Variants in PIEZO2 observed in about 807,000 individuals in gnomAD.
The protein encoded by PIEZO2 is piezo-type mechanosensitive ion channel component 2.
In PIEZO2, 172 loss-of-function variants were observed where a neutral mutation model predicts 337.3. The ratio of observed to expected loss-of-function variants is 0.51; its 90% confidence interval spans 0.45 to 0.58. The LOEUF is 0.58. Among genes scored for constraint, PIEZO2 ranks in the 20% least tolerant of loss-of-function variants. PIEZO2 has a pLI of 0.00. For missense variants in PIEZO2, 3,028 were observed against 3,391.3 expected (o/e 0.89, Z 2.66); for synonymous variants, 1,251 against 1,228.5 (o/e 1.02, Z -0.38).
intron 1 of PIEZO2, among the ~76,000 whole-genome samples, chr18:11,075,573 C>T (rs1301797976): frequency 6.6e-6 from 1 of 152,182 alleles, no homozygotes; most frequent in Non-Finnish European, 1.5e-5. Flanking sequence ...ACCTCCGTGC[C>T]CACTGGCGGT....
At position 10,978,139 on chromosome 18, in the gene PIEZO2, G is replaced by A. The variant is rs1195561601; in HGVS notation, c.286+1396C>T. ...AGATCGAGACCATACTGGCTAACAC[G>A]GTGAAACAGTGTCTCTACTAAAAAA... On this transcript the variant is annotated intron_variant, in intron 3 of 55. Coordinates refer to ENST00000674853, the MANE Select transcript of PIEZO2 (RefSeq NM_001378183.1). 2.0e-5 allele frequency among the ~76,000 whole-genome samples: 3 copies of A among 151,980 alleles called. No homozygotes were observed. The East Asian group carries it at 5.8e-4, about 29-fold the overall frequency.
rs1262623207 is a variant in PIEZO2, at chr18:10,736,904, G to T, written c.4709-194C>A. On this transcript the variant is annotated intron_variant, in intron 33 of 55. Coordinates refer to ENST00000674853, the MANE Select transcript of PIEZO2 (RefSeq NM_001378183.1). ...ATGCTACGCGGTGTTGGCATATTGG[G>T]TCTACAGAGTATGAGGCCTTGTCTT... Among the ~76,000 whole-genome samples the T allele has an allele frequency of 2.6e-5, 4 of 151,732 alleles. No homozygotes were observed. In the East Asian group the frequency reaches 7.7e-4, roughly 29 times the overall value.
At chr18:10,932,144 C>T (rs1286839521) in intron 3 of PIEZO2, among the ~76,000 whole-genome samples, 1 of 152,168 alleles carries the variant, frequency 6.6e-6, no homozygotes, top group Non-Finnish European at 1.5e-5. Flanking sequence ...TATCATATGA[C>T]TAAACATACT....
chr18:11,127,317 T>C lies in PIEZO2; in HGVS notation c.64+21208A>G, dbSNP rs1450020574. Reference sequence around the variant, plus strand: ...AAATAGTTGCATCTGAATGTGATGGTTAATACTGAGTGTGAACTTGATTGG... The same window carrying C: ...AAATAGTTGCATCTGAATGTGATGGCTAATACTGAGTGTGAACTTGATTGG... On this transcript the variant is annotated intron_variant, in intron 1 of 55. Transcript: ENST00000674853. This position sits in a 1 kb window ranked among gnomAD's most constrained non-coding sequence, Gnocchi z 4.5. Among the ~76,000 whole-genome samples the C allele has an allele frequency of 6.6e-6, 1 of 152,180 alleles. No homozygotes were observed. The highest frequency in any genetic ancestry group is 1.5e-5 in the Non-Finnish European group (1 of 68,020).
At position 10,672,661 on chromosome 18, in the gene PIEZO2, T is replaced by C; in HGVS notation, c.8345+29A>G. The C allele has an allele frequency of 1.9e-6, 3 of 1,598,120 alleles. No individual in the cohort carries two copies. Among genetic ancestry groups the C allele is most frequent in the Non-Finnish European group, 2.6e-6 (3 of 1,174,770 alleles). ...TACATGATACAGAAGTAGACTCTTG[T>C]AACTGTGAATTGTTCAATGAGTCCT... On this transcript the variant is annotated intron_variant, in intron 55 of 55. Transcript: ENST00000674853. This position sits in a 1 kb window ranked among gnomAD's most constrained non-coding sequence, Gnocchi z 4.7.
rs1294300806 is a variant in PIEZO2 at position 11,031,970 on chromosome 18, CTCTG to C, written c.160+34153_160+34156del. On this transcript the variant is annotated intron_variant, in intron 2 of 55. Transcript: ENST00000674853. The surrounding 1 kb of genome is among the most constrained non-coding windows in gnomAD (Gnocchi z 4.7). ...TCTCTCTCTGTCTTTCTCTGTTTCT[CTCTG>C]TCTCTCTCTCACACACATACGCATA... Among the ~76,000 whole-genome samples, 2 of 152,170 alleles carry C rather than the reference CTCTG, an allele frequency of 1.3e-5. No individual in the cohort carries two copies.
intron 4 of PIEZO2, among the ~76,000 whole-genome samples, chr18:10,887,492 G>A (rs898813211): frequency 1.3e-5 from 2 of 152,120 alleles, no homozygotes; most frequent in Admixed American, 1.3e-4. Flanking sequence ...CCAGCATTGG[G>A]GATTACAATT....
chr18:11,094,269 A>C lies in PIEZO2; in HGVS notation c.65-28047T>G, dbSNP rs2039196093. Among the ~76,000 whole-genome samples the C allele has an allele frequency of 6.6e-6, 1 of 152,196 alleles. No individual in the cohort carries two copies. The highest frequency in any genetic ancestry group is 1.5e-5 in the Non-Finnish European group (1 of 68,044). ...GTATGTATGGTAGGTTAATCCTCCC[A>C]AATCACTGGGGAAGCCATTTATCAT... On this transcript the variant is annotated intron_variant, in intron 1 of 55. Coordinates refer to ENST00000674853, the MANE Select transcript of PIEZO2 (RefSeq NM_001378183.1). The surrounding 1 kb of genome is among the most constrained non-coding windows in gnomAD (Gnocchi z 4.4).
At chr18:11,067,869 C>G (rs902685074) in intron 1 of PIEZO2, among the ~76,000 whole-genome samples, 1 of 152,166 alleles carries the variant, frequency 6.6e-6, no homozygotes, top group Non-Finnish European at 1.5e-5. Flanking sequence ...ATGAATCTAA[C>G]AGACACATAC....
chr18:10,784,691 A>G lies in PIEZO2; in HGVS notation c.2492+93T>C, dbSNP rs2039152577. On this transcript the variant is annotated intron_variant, in intron 17 of 55. Transcript: ENST00000674853. This position sits in a 1 kb window ranked among gnomAD's most constrained non-coding sequence, Gnocchi z 4.5. ...GAAAATTCAAGGCTGAAACTTTTAG[A>G]TTACTGGCTTCTCGCAAGGTGGCCA... 6 of 1,221,070 alleles carry G rather than the reference A, an allele frequency of 4.9e-6. No individual in the cohort carries two copies. Among genetic ancestry groups the G allele is most frequent in the Non-Finnish European group, 6.6e-6 (6 of 915,358 alleles). The allele number at this position is 1,221,070 out of a possible 1,614,324, so 75.6% of individuals were successfully genotyped here. A position where few individuals can be genotyped will look rare whatever the true frequency, so the allele number is the denominator to read the frequency against.
intron 3 of PIEZO2, among the ~76,000 whole-genome samples, chr18:10,918,583 C>T (rs1210374164): frequency 6.6e-5 from 10 of 151,926 alleles, no homozygotes; most frequent in East Asian, 3.9e-4. Flanking sequence ...TTCAATGGTG[C>T]GCTTTTCAAA....
At chr18:10,965,332 T>C (rs2033954759) in intron 3 of PIEZO2, among the ~76,000 whole-genome samples, 1 of 152,222 alleles carries the variant, frequency 6.6e-6, no homozygotes, top group South Asian at 2.1e-4. Flanking sequence ...TTTCTTATTA[T>C]AGCCATCTTA....
Position 10,821,297 on chromosome 18 carries a change from T to C in PIEZO2, c.918-14023A>G, listed in dbSNP as rs1262967126. Among the ~76,000 whole-genome samples, 1 of 152,160 alleles carries C rather than the reference T, an allele frequency of 6.6e-6. No homozygotes were observed. Among genetic ancestry groups the C allele is most frequent in the East Asian group, 1.9e-4 (1 of 5,196 alleles). On this transcript the variant is annotated intron_variant, in intron 7 of 55. Transcript: ENST00000674853. The surrounding 1 kb of genome is among the most constrained non-coding windows in gnomAD (Gnocchi z 4.2). ...CTCTCAGCCATCATAAACCCACACT[T>C]CCAATAGCTCAGCATCTGAAAACAG...
rs2038673664 is a variant in PIEZO2, at chr18:10,773,428, C to T, written c.2769G>A (p.Glu923=). 1 of 1,537,348 alleles carries T rather than the reference C, an allele frequency of 6.5e-7. No individual in the cohort carries two copies. Among genetic ancestry groups the T allele is most frequent in the Non-Finnish European group, 8.7e-7 (1 of 1,146,958 alleles). ...EDGEEEEESE[E]EEETSDLRNK... ...GCTGATTACCTGATGTTTCTTCCTC[C>T]TCCTCGGATTCCTCCTCTTCCTCTC... is the stretch of plus-strand genomic sequence containing the variant. Residue 923 remains glutamate (E), a synonymous_variant, in exon 20 of 56, where the codon GAG becomes GAA. Coordinates refer to ENST00000674853, the MANE Select transcript of PIEZO2 (RefSeq NM_001378183.1). This position sits in a 1 kb window ranked among gnomAD's most constrained non-coding sequence, Gnocchi z 5.3.
intron 1 of PIEZO2, among the ~76,000 whole-genome samples, chr18:11,068,209 C>T (rs1023224715): frequency 4.6e-5 from 7 of 152,254 alleles, no homozygotes; most frequent in South Asian, 2.1e-4. Flanking sequence ...TGTGAGCCAC[C>T]GCACCCGGCA....
At position 10,800,509 on chromosome 18, in the gene PIEZO2, C is replaced by T; in HGVS notation, c.1240-34G>A. ...AGTGCAGAGAAAGGGACAACTGTTA[C>T]AGCAGCTCTGGGTTTTCAATGCAGA... On this transcript the variant is annotated intron_variant, in intron 10 of 55. Transcript: ENST00000674853. The T allele has an allele frequency of 3.3e-6, 5 of 1,503,636 alleles. No individual in the cohort carries two copies. The East Asian group carries it at 7.6e-5, about 23-fold the overall frequency. The allele number at this position is 1,503,636 out of a possible 1,614,324, so 93.1% of individuals were successfully genotyped here. A position where few individuals can be genotyped will look rare whatever the true frequency, so the allele number is the denominator to read the frequency against.
At position 11,035,202 on chromosome 18, in the gene PIEZO2, G is replaced by A. The variant is rs188350709; in HGVS notation, c.160+30925C>T. The stretch of plus-strand genomic sequence containing the variant: ...TGTTGAAATGTGATCCCCAATATTG[G>A]ACATGGGGCCTGGTGGGAGGTGTTT... On this transcript the variant is annotated intron_variant, in intron 2 of 55. Coordinates refer to ENST00000674853, the MANE Select transcript of PIEZO2 (RefSeq NM_001378183.1). The surrounding 1 kb of genome is among the most constrained non-coding windows in gnomAD (Gnocchi z 4.3). Among the ~76,000 whole-genome samples, 5 of 152,228 alleles carry A rather than the reference G, an allele frequency of 3.3e-5. No homozygotes were observed. In the East Asian group the frequency reaches 9.7e-4, roughly 29 times the overall value.
intron 2 of PIEZO2, among the ~76,000 whole-genome samples, chr18:11,006,707 C>T (rs2035737491): frequency 6.6e-6 from 1 of 152,120 alleles, no homozygotes; most frequent in Non-Finnish European, 1.5e-5. Context: ...CCCTGCCTCC[C>T]TCCCTCATGC....
intron 3 of PIEZO2, among the ~76,000 whole-genome samples, chr18:10,935,357 G>C (rs2032332843): frequency 6.6e-6 from 1 of 152,218 alleles, no homozygotes; most frequent in Non-Finnish European, 1.5e-5. Context: ...GCCCAGAAGA[G>C]CAGTTAGGCA....
Sources: gnomAD v4.1 joint callset for allele counts (sites outside exome capture counted in the v4.1 genomes callset) on GRCh38, gnomAD v4.1.1 for gene constraint, Gnocchi (gnomAD v3.1) non-coding constraint, MANE v1.5 for transcripts, NCBI Gene and HGNC (gene_info 2026-07-23, HGNC 2026-07-21) for gene names.